The following KCNMA1 variants were observed in gnomAD, a reference collection of about 807,000 sequenced individuals.
KCNMA1 encodes potassium calcium-activated channel subfamily M alpha 1, also known as Calcium-activated potassium channel subunit alpha-1.
Under a neutral mutation model 140.0 loss-of-function variants are expected in KCNMA1, and 29 were observed. The observed-to-expected ratio is 0.21, with a 90% CI of 0.15 to 0.28. KCNMA1 has a LOEUF of 0.28. KCNMA1 is among the 10% of genes least tolerant of loss of function. KCNMA1 has a pLI of 1.00. For missense variants in KCNMA1, 880 were observed against 1,602.2 expected, an observed-to-expected ratio of 0.55 and a Z score of 7.70; for synonymous variants, 612 against 611.9, an observed-to-expected ratio of 1.00 and a Z score of 0.00.
At chr10:77,319,260 C>T (rs967796107) in intron 2 of KCNMA1, among the ~76,000 whole-genome samples, 3 of 152,120 alleles carry the variant, frequency 2.0e-5, no homozygotes, top group Non-Finnish European at 4.4e-5. Context: ...TCCCTCATCC[C>T]ACCCCATCAC....
chr10:76,898,185 T>C (rs966601495), intron 25 of KCNMA1, among the ~76,000 whole-genome samples: 2 of 151,690 alleles, frequency 1.3e-5, no homozygotes, highest in African/African-American at 4.8e-5. Context: ...AAAATCAAAC[T>C]CTGATATCTT....
intron 14 of KCNMA1, among the ~76,000 whole-genome samples, chr10:77,043,843 A>G (rs1331517086): frequency 6.6e-6 from 1 of 152,126 alleles, no homozygotes; most frequent in Non-Finnish European, 1.5e-5. Flanking sequence ...TTGCAGGGAG[A>G]GGGAATGAGG....
At chr10:77,580,753 G>A (rs2075654840) in intron 1 of KCNMA1, among the ~76,000 whole-genome samples, 1 of 152,194 alleles carries the variant, frequency 6.6e-6, no homozygotes, top group Non-Finnish European at 1.5e-5. Context: ...TGTTCCTGAA[G>A]CTAAACCACT....
At chr10:77,597,161 T>A (rs2081186723) in intron 1 of KCNMA1, among the ~76,000 whole-genome samples, 1 of 152,080 alleles carries the variant, frequency 6.6e-6, no homozygotes, top group Non-Finnish European at 1.5e-5. Context: ...TGAAAGTCCA[T>A]CAAAAGAGAA....
At chr10:77,168,422 G>A (rs894232554) in intron 5 of KCNMA1, among the ~76,000 whole-genome samples, 7 of 152,182 alleles carry the variant, frequency 4.6e-5, no homozygotes, top group African/African-American at 1.7e-4. Context: ...GACAAACCTA[G>A]ATTGTATAGC....
At chr10:77,111,213 G>C (rs1006767281) in intron 7 of KCNMA1, among the ~76,000 whole-genome samples, 1 of 152,212 alleles carries the variant, frequency 6.6e-6, no homozygotes, top group African/African-American at 2.4e-5. Context: ...ACTCTCAGGA[G>C]AGAGGGAGCT....
intron 3 of KCNMA1, among the ~76,000 whole-genome samples, chr10:77,242,132 C>T (rs1026381679): frequency 1.3e-5 from 2 of 152,164 alleles, no homozygotes; most frequent in African/African-American, 4.8e-5. Flanking sequence ...AAGCACGTCG[C>T]ACACTGACCT....
At chr10:77,635,508 G>C (rs2093648433) in intron 1 of KCNMA1, 2 of 152,138 alleles carry the variant, frequency 1.3e-5, no homozygotes, top group Admixed American at 1.3e-4. Context: ...TCAGTAAACC[G>C]GGGAACAAAA....
intron 3 of KCNMA1, chr10:77,249,661 A>G (rs532713340): frequency 6.6e-6 from 1 of 152,338 alleles, no homozygotes; most frequent in African/African-American, 2.4e-5. Flanking sequence ...TCTGCACCCC[A>G]CGACATGTAA....
intron 1 of KCNMA1, among the ~76,000 whole-genome samples, chr10:77,591,154 G>C (rs1175444482): frequency 6.6e-6 from 1 of 152,128 alleles, no homozygotes; most frequent in Non-Finnish European, 1.5e-5. Flanking sequence ...CCATTCTAAG[G>C]CTTAGTCAGC....
At chr10:77,345,730 A>G (rs901428252) in intron 2 of KCNMA1, among the ~76,000 whole-genome samples, 2 of 152,252 alleles carry the variant, frequency 1.3e-5, no homozygotes, top group African/African-American at 4.8e-5. Flanking sequence ...TGCACCATGC[A>G]GTTCCCATGG....
intron 3 of KCNMA1, among the ~76,000 whole-genome samples, chr10:77,198,568 GATATATATATATAT>G (rs3998087): frequency 7.2e-6 from 1 of 138,428 alleles, no homozygotes; most frequent in Non-Finnish European, 1.5e-5. Context: ...ATATATATGT[GATATATATATATAT>G]ATATATATAT....
chr10:77,502,892 T>C (rs2044427053), intron 1 of KCNMA1, among the ~76,000 whole-genome samples: 1 of 152,200 alleles, frequency 6.6e-6, no homozygotes, highest in Non-Finnish European at 1.5e-5. Flanking sequence ...ATGACAACGA[T>C]AGTGATGGTG....
Position 77,108,351 on chromosome 10 carries a change from T to C in KCNMA1, c.1223+130A>G. On this transcript the variant is annotated intron_variant, in intron 9 of 27. Coordinates refer to ENST00000286628, the MANE Select transcript of KCNMA1 (RefSeq NM_001161352.2). This position sits in a 1 kb window ranked among gnomAD's most constrained non-coding sequence, Gnocchi z 4.6. The stretch of plus-strand genomic sequence containing the variant: ...TCCGACTCAGGATGAGAGCAGCAAT[T>C]TCGGGCACGTAGCGGGCAAACATTG... 1.9e-6 allele frequency: 3 copies of C among 1,585,258 alleles called. No individual in the cohort carries two copies. The highest frequency in any genetic ancestry group is 2.6e-6 in the Non-Finnish European group (3 of 1,172,564).
chr10:77,506,596 A>AGAGAGAGAGAGAGTGT, intron 1 of KCNMA1, among the ~76,000 whole-genome samples: 36 of 83,566 alleles, frequency 4.3e-4, no homozygotes, highest in African/African-American at 9.7e-4. Flanking sequence ...AGAGAGAGAG[A>AGAGAGAGAGAGAGTGT]GTGTGTGTGT....
At chr10:76,955,391 C>T (rs1299768954) in intron 20 of KCNMA1, among the ~76,000 whole-genome samples, 4 of 152,144 alleles carry the variant, frequency 2.6e-5, no homozygotes, top group Non-Finnish European at 4.4e-5. Context: ...CTCCAATATG[C>T]TCCCCACTCC....
At chr10:77,451,026 C>T (rs915128884) in intron 1 of KCNMA1, among the ~76,000 whole-genome samples, 3 of 152,182 alleles carry the variant, frequency 2.0e-5, no homozygotes, top group African/African-American at 7.2e-5. Context: ...TTACCTTCTG[C>T]CATGATTGTG....
At chr10:76,910,217 A>G in intron 24 of KCNMA1, 121 bp from the exon 25 acceptor site, 1 of 1,099,048 alleles carries the variant, frequency 9.1e-7, no homozygotes, top group South Asian at 1.3e-5. Flanking sequence ...AAAAGCATGG[A>G]ATAAGCTGTA....
intron 19 of KCNMA1, among the ~76,000 whole-genome samples, chr10:76,999,390 T>C (rs1377264257): frequency 1.3e-5 from 2 of 152,170 alleles, no homozygotes; most frequent in African/African-American, 4.8e-5. Flanking sequence ...GCTAAGGTTT[T>C]AGAGCCTCAT....
Sources: allele counts gnomAD v4.1 joint callset (sites outside exome capture counted in the v4.1 genomes callset), GRCh38; gene constraint gnomAD v4.1.1; non-coding constraint Gnocchi (gnomAD v3.1); transcripts MANE v1.5; gene names NCBI Gene and HGNC (gene_info 2026-07-23, HGNC 2026-07-21).